Variants in ARHGAP26 observed in about 807,000 individuals in gnomAD.
The protein encoded by ARHGAP26 is rho GTPase-activating protein 26.
A neutral mutation model predicts 104.8 loss-of-function variants in ARHGAP26; 38 were observed. The observed-to-expected ratio is 0.36, with a 90% CI of 0.28 to 0.48. The LOEUF is 0.48. Ranked by LOEUF, ARHGAP26 falls within the 20% of genes least tolerant of loss-of-function variation. ARHGAP26 has a pLI of 0.99. For synonymous variants in ARHGAP26, 341 were observed against 340.0 expected, an observed-to-expected ratio of 1.00 and a Z score of -0.03; for missense variants, 704 against 947.9, an observed-to-expected ratio of 0.74 and a Z score of 3.38.
At chr5:143,209,909 G>GTA (rs1562616701) in intron 21 of ARHGAP26, among the ~76,000 whole-genome samples, 1 of 152,124 alleles carries the variant, frequency 6.6e-6, no homozygotes, top group East Asian at 1.9e-4. Context: ...ACACTGTAGT[G>GTA]TATAGCAAAG....
chr5:143,014,623 A>G (rs949730464), intron 12 of ARHGAP26, among the ~76,000 whole-genome samples: 20 of 152,126 alleles, frequency 1.3e-4, no homozygotes, highest in Admixed American at 1.1e-3. Flanking sequence ...CTATGGTAAT[A>G]TTCCTCTCTA....
chr5:142,850,577 T>C (rs1409503028), intron 1 of ARHGAP26, among the ~76,000 whole-genome samples: 4 of 152,230 alleles, frequency 2.6e-5, no homozygotes, highest in Admixed American at 6.5e-5. Flanking sequence ...TGGAAAAGTT[T>C]CTTAATATCT....
intron 11 of ARHGAP26, among the ~76,000 whole-genome samples, chr5:143,013,211 A>G (rs1485766057): frequency 3.9e-5 from 6 of 152,252 alleles, no homozygotes. Flanking sequence ...GCATTTCAGA[A>G]AATCATACTC....
At chr5:142,799,048 G>C (rs181720988) in intron 1 of ARHGAP26, among the ~76,000 whole-genome samples, 1 of 152,288 alleles carries the variant, frequency 6.6e-6, no homozygotes, top group Admixed American at 6.5e-5. Context: ...ACCTCGAAGA[G>C]ATAATGTGTT....
At chr5:142,796,963 C>T (rs956051631) in intron 1 of ARHGAP26, among the ~76,000 whole-genome samples, 1 of 152,146 alleles carries the variant, frequency 6.6e-6, no homozygotes, top group Admixed American at 6.5e-5. Flanking sequence ...CTAGCTATAG[C>T]GTGGTGTCAG....
intron 11 of ARHGAP26, among the ~76,000 whole-genome samples, chr5:142,979,707 CAA>C (rs1319474026): frequency 6.6e-6 from 1 of 152,206 alleles, no homozygotes; most frequent in African/African-American, 2.4e-5. Context: ...GCCTTCCAGG[CAA>C]AGAGAGTATT....
chr5:142,785,075 C>T (rs545536913), intron 1 of ARHGAP26, among the ~76,000 whole-genome samples: 2 of 152,108 alleles, frequency 1.3e-5, no homozygotes, highest in East Asian at 1.9e-4. Context: ...GGTCTACAGG[C>T]GCCCACCACC....
intron 11 of ARHGAP26, among the ~76,000 whole-genome samples, chr5:142,963,712 T>C (rs1770793284): frequency 6.6e-6 from 1 of 152,210 alleles, no homozygotes. Flanking sequence ...ACTTTCCCTC[T>C]TCCCAACCTC....
intron 1 of ARHGAP26, among the ~76,000 whole-genome samples, chr5:142,783,289 C>T (rs1757884533): frequency 6.6e-6 from 1 of 152,200 alleles, no homozygotes; most frequent in Non-Finnish European, 1.5e-5. Context: ...GCCTGGGATC[C>T]AGTTGTTCCG....
chr5:142,940,606 T>A (rs1766112680), intron 11 of ARHGAP26, among the ~76,000 whole-genome samples: 1 of 152,210 alleles, frequency 6.6e-6, no homozygotes, highest in Admixed American at 6.5e-5. Flanking sequence ...TAACTCCATC[T>A]GCATTCCCCC....
At chr5:143,162,284 T>TACAC (rs34577770) in intron 20 of ARHGAP26, among the ~76,000 whole-genome samples, 25,575 of 147,184 alleles carry the variant, frequency 0.17, 2,741 homozygotes, top group African/African-American at 0.29. Context: ...AACACACACA[T>TACAC]ACACACACAC....
At chr5:143,014,207 C>CTG in intron 12 of ARHGAP26, 91 bp downstream of exon 12, 1 of 1,465,704 alleles carries the variant, frequency 6.8e-7, no homozygotes, top group Non-Finnish European at 9.6e-7. Flanking sequence ...CCAGGCGGTG[C>CTG]TGTGGGCGTG....
At chr5:142,792,622 G>A (rs1209681674) in intron 1 of ARHGAP26, among the ~76,000 whole-genome samples, 4 of 152,126 alleles carry the variant, frequency 2.6e-5, no homozygotes, top group Non-Finnish European at 5.9e-5. Flanking sequence ...GCCAAATGTA[G>A]AAATCTCTAT....
chr5:143,134,491 T>C (rs1445345794), intron 19 of ARHGAP26, among the ~76,000 whole-genome samples: 1 of 152,190 alleles, frequency 6.6e-6, no homozygotes, highest in Non-Finnish European at 1.5e-5. Flanking sequence ...TACCCATTAG[T>C]GTGAGTCACA....
chr5:143,200,110 G>A (rs908807220), intron 20 of ARHGAP26, among the ~76,000 whole-genome samples: 4 of 152,152 alleles, frequency 2.6e-5, no homozygotes, highest in African/African-American at 9.7e-5. Flanking sequence ...GAAAAGACCA[G>A]GAAAGCAAAG....
At chr5:143,029,221 G>T (rs1274067843) in intron 12 of ARHGAP26, among the ~76,000 whole-genome samples, 1 of 152,078 alleles carries the variant, frequency 6.6e-6, no homozygotes, top group Non-Finnish European at 1.5e-5. Flanking sequence ...TGTTGAAATT[G>T]ATTAAATTCA....
chr5:142,838,518 G>T lies in ARHGAP26; in HGVS notation c.155-34882G>T, dbSNP rs183199078. Reference sequence around the variant, plus strand: ...AATCTAGGTTTAGCCACGCTTATTGGCTGTGTCACCTCAGACAGGTTGTTG... The same window carrying T: ...AATCTAGGTTTAGCCACGCTTATTGTCTGTGTCACCTCAGACAGGTTGTTG... On this transcript the variant is annotated intron_variant, in intron 1 of 22. Transcript: ENST00000645722. Among the ~76,000 whole-genome samples, 989 of 152,274 alleles carry T rather than the reference G, an allele frequency of 6.5e-3. 9 individuals carry two copies. The highest frequency in any genetic ancestry group is 0.031 in the Middle Eastern group (9 of 294).
intron 11 of ARHGAP26, among the ~76,000 whole-genome samples, chr5:142,939,621 G>T (rs1306371675): frequency 6.6e-6 from 1 of 152,166 alleles, no homozygotes; most frequent in African/African-American, 2.4e-5. Context: ...AAGTAAGATT[G>T]ATTACTGTTA....
intron 20 of ARHGAP26, among the ~76,000 whole-genome samples, chr5:143,176,601 A>C (rs1177131689): frequency 6.6e-6 from 1 of 152,192 alleles, no homozygotes; most frequent in African/African-American, 2.4e-5. Flanking sequence ...AAATTAATTT[A>C]CCTTCGCCCC....
Sources: gnomAD v4.1 joint callset for allele counts (sites outside exome capture counted in the v4.1 genomes callset) on GRCh38, gnomAD v4.1.1 for gene constraint, MANE v1.5 for transcripts, NCBI Gene and HGNC (gene_info 2026-07-23, HGNC 2026-07-21) for gene names.